RBFOX1: variants seen among roughly 807,000 people sequenced by gnomAD.
RBFOX1 encodes the protein RNA binding fox-1 homolog 1.
In RBFOX1, 8 loss-of-function variants were observed where a neutral mutation model predicts 57.7. The observed-to-expected ratio is 0.14, with a 90% CI of 0.08 to 0.25. The LOEUF is 0.25. Among genes scored for constraint, RBFOX1 ranks in the 10% least tolerant of loss-of-function variants. RBFOX1 has a pLI of 1.00. For synonymous variants in RBFOX1, 326 were observed against 222.4 expected, an observed-to-expected ratio of 1.47 and a Z score of -4.15; for missense variants, 611 against 548.5, an observed-to-expected ratio of 1.11 and a Z score of -1.14.
At chr16:7,455,828 C>G (rs1169544538) in intron 4 of RBFOX1, among the ~76,000 whole-genome samples, 1 of 150,560 alleles carries the variant, frequency 6.6e-6, no homozygotes, top group Admixed American at 6.6e-5. Flanking sequence ...AAAACTGATT[C>G]ACATTTCAAT....
intron 2 of RBFOX1, among the ~76,000 whole-genome samples, chr16:6,378,107 G>C (rs992810019): frequency 3.3e-5 from 5 of 152,224 alleles, no homozygotes. Flanking sequence ...CGCCTAAGAT[G>C]ATGGCTCATT....
rs56297510 is a variant in RBFOX1 at position 7,269,043 on chromosome 16, CAAAAAAAAAAAAAAA to C, written c.27+216958_27+216972del. Among the ~76,000 whole-genome samples the C allele has an allele frequency of 1.7e-4, 9 of 52,300 alleles. No individual in the cohort carries two copies. The East Asian group carries it at 8.6e-3, about 50-fold the overall frequency. The allele number at this position is 52,300 out of a possible 152,430, so 34.3% of individuals were successfully genotyped here. ...CAGAGTGAGACTCCATCTTCCATCT[CAAAAAAAAAAAAAAA>C]AAAAAAAAAAAAGAATCAGCCTCTG... On this transcript the variant is annotated intron_variant, in intron 4 of 15. Coordinates refer to ENST00000550418, the MANE Select transcript of RBFOX1 (RefSeq NM_018723.4).
intron 3 of RBFOX1, among the ~76,000 whole-genome samples, chr16:6,739,731 G>C (rs1157412960): frequency 6.6e-6 from 1 of 152,030 alleles, no homozygotes; most frequent in Non-Finnish European, 1.5e-5. Flanking sequence ...ACAAAAATTA[G>C]CTGGGCGTGG....
At chr16:6,639,470 G>A (rs1413617474) in intron 2 of RBFOX1, among the ~76,000 whole-genome samples, 1 of 152,084 alleles carries the variant, frequency 6.6e-6, no homozygotes, top group Non-Finnish European at 1.5e-5. Flanking sequence ...AAATAGTAAT[G>A]ACCCGGAGGA....
chr16:6,478,421 A>T (rs1196323788), intron 2 of RBFOX1, among the ~76,000 whole-genome samples: 225 of 12,392 alleles, frequency 0.018, 8 homozygotes, highest in African/African-American at 0.04. Context: ...ATATATATAT[A>T]TATATATATT....
intron 4 of RBFOX1, among the ~76,000 whole-genome samples, chr16:7,489,084 C>A (rs138851363): frequency 2.6e-5 from 4 of 152,170 alleles, no homozygotes; most frequent in African/African-American, 7.2e-5. Flanking sequence ...CTCCCCATGT[C>A]TGTGTCTGGC....
intron 2 of RBFOX1, among the ~76,000 whole-genome samples, chr16:5,579,862 C>T (rs1026455546): frequency 6.6e-6 from 1 of 151,954 alleles, no homozygotes; most frequent in Non-Finnish European, 1.5e-5. Context: ...CGGGTTCAAG[C>T]TATTCTCCTG....
intron 2 of RBFOX1, among the ~76,000 whole-genome samples, chr16:5,494,426 A>G (rs1226093850): frequency 2.0e-5 from 3 of 152,222 alleles, no homozygotes; most frequent in Admixed American, 6.5e-5. Context: ...TTTCTTTTGC[A>G]CATGCCTGGA....
At chr16:6,210,344 ACAAAAAAAAAAAACAC>A (rs2097285874) in intron 1 of RBFOX1, among the ~76,000 whole-genome samples, 1 of 80,318 alleles carries the variant, frequency 1.2e-5, no homozygotes, top group Non-Finnish European at 3.3e-5. Flanking sequence ...AAACAAAAAA[ACAAAAAAAAAAAACAC>A]CAAAAAAAAA....
At chr16:5,770,544 G>C (rs2053943480) in intron 3 of RBFOX1, among the ~76,000 whole-genome samples, 1 of 152,116 alleles carries the variant, frequency 6.6e-6, no homozygotes, top group African/African-American at 2.4e-5. Context: ...CAGTCCACAA[G>C]TGCTATCTGC....
intron 4 of RBFOX1, among the ~76,000 whole-genome samples, chr16:7,125,778 A>G (rs1480323965): frequency 6.6e-6 from 1 of 152,006 alleles, no homozygotes; most frequent in Non-Finnish European, 1.5e-5. Context: ...ACTGCAAACG[A>G]TTAAGGTTTA....
rs200629701 is a variant in RBFOX1, at chr16:6,148,459, C to G, written c.-127+128467C>G. ...TTTGTTCTGCTCCCACCTCCTGGAA[C>G]ACTCATCCCCCAGCTACTGGCATGG... On this transcript the variant is annotated intron_variant, in intron 1 of 15. Coordinates refer to ENST00000550418, the MANE Select transcript of RBFOX1 (RefSeq NM_018723.4). Among the ~76,000 whole-genome samples, 19 of 152,340 alleles carry G rather than the reference C, an allele frequency of 1.2e-4. No individual in the cohort carries two copies. In the East Asian group the frequency reaches 3.3e-3, roughly 26 times the overall value.
chr16:5,511,779 C>G (rs2043601896), intron 2 of RBFOX1, among the ~76,000 whole-genome samples: 1 of 152,156 alleles, frequency 6.6e-6, no homozygotes, highest in African/African-American at 2.4e-5. Flanking sequence ...GATGCTTTAT[C>G]AAGGTGAATG....
chr16:6,446,527 A>T (rs1017565780), intron 2 of RBFOX1, among the ~76,000 whole-genome samples: 1 of 152,172 alleles, frequency 6.6e-6, no homozygotes, highest in African/African-American at 2.4e-5. Context: ...ATATATATGT[A>T]TCAATGCCTT....
chr16:7,304,407 G>A, intron 4 of RBFOX1: 1 of 985,352 alleles, frequency 1.0e-6, no homozygotes, highest in Non-Finnish European at 1.2e-6. Context: ...CTCTGACGGG[G>A]GCCACCTGCG....
intron 3 of RBFOX1, among the ~76,000 whole-genome samples, chr16:6,832,771 G>A (rs984488401): frequency 1.3e-5 from 2 of 152,182 alleles, no homozygotes; most frequent in African/African-American, 4.8e-5. Flanking sequence ...TGTTTGAGCT[G>A]CCAGGCTTGT....
chr16:7,210,188 C>A (rs2090846228), intron 4 of RBFOX1, among the ~76,000 whole-genome samples: 1 of 152,118 alleles, frequency 6.6e-6, no homozygotes, highest in Non-Finnish European at 1.5e-5. Context: ...AGATCCCACA[C>A]AAGAAACACA....
At chr16:7,315,346 A>G (rs76123702) in intron 4 of RBFOX1, among the ~76,000 whole-genome samples, 3,248 of 152,240 alleles carry the variant, frequency 0.021, 62 homozygotes, top group African/African-American at 0.051. Flanking sequence ...GTTAAAAAAG[A>G]AAGATACGTA....
intron 3 of RBFOX1, among the ~76,000 whole-genome samples, chr16:6,714,451 C>T (rs1170947357): frequency 6.6e-6 from 1 of 152,114 alleles, no homozygotes; most frequent in Non-Finnish European, 1.5e-5. Context: ...GAAGCTTTAT[C>T]CCACTACGGG....
Sources: gnomAD v4.1 joint callset for allele counts (sites outside exome capture counted in the v4.1 genomes callset) on GRCh38, gnomAD v4.1.1 for gene constraint, MANE v1.5 for transcripts, NCBI Gene and HGNC (gene_info 2026-07-23, HGNC 2026-07-21) for gene names.